Variants in CWH43 observed in about 807,000 individuals in gnomAD.
CWH43 encodes cell wall biogenesis 43 C-terminal homolog.
A neutral mutation model predicts 85.7 loss-of-function variants in CWH43; 91 were observed. The ratio of observed to expected loss-of-function variants is 1.06; its 90% CI spans 0.90 to 1.26. CWH43 has a LOEUF of 1.26. CWH43 is among the 50% of genes most tolerant of loss of function. The pLI is 0.00. For missense variants in CWH43, 869 were observed against 839.2 expected (o/e 1.04, Z -0.44); for synonymous variants, 323 against 293.6 (o/e 1.10, Z -1.02).
Position 49,032,714 on chromosome 4 carries a change from G to C in CWH43, c.1657G>C (p.Glu553Gln), listed in dbSNP as rs35575404. ...TGTCGTGACACACTTTGGGAACCAC[G>C]AGTGGGTTTCTTTGGCCCACCTAAT... ...DFVVTHFGNH[E>Q]DDLDRKLQAI... The change falls in exon 12 of 16, where the codon GAA (glutamate) becomes CAA (glutamine). Residue 553 changes from glutamate to glutamine, a missense_variant and splice_region_variant. Coordinates refer to ENST00000226432, the MANE Select transcript of CWH43 (RefSeq NM_025087.3). 6.2e-7 allele frequency: 1 copy of C among 1,613,962 alleles called. No homozygotes were observed. The highest frequency in any genetic ancestry group is 8.5e-7 in the Non-Finnish European group (1 of 1,179,858).
intron 15 of CWH43, among the ~76,000 whole-genome samples, chr4:49,058,400 A>G (rs1251413315): frequency 6.6e-6 from 1 of 152,164 alleles, no homozygotes; most frequent in African/African-American, 2.4e-5. Context: ...TGATGTCACA[A>G]TTCATGTATT....
At chr4:49,029,785 C>T (rs1212085080) in intron 10 of CWH43, among the ~76,000 whole-genome samples, 1 of 152,206 alleles carries the variant, frequency 6.6e-6, no homozygotes, top group African/African-American at 2.4e-5. Context: ...CTTACACATC[C>T]GGGCACAGTA....
chr4:49,037,922 A>G (rs1784308369), intron 12 of CWH43, 114 bp from the exon 13 acceptor site: 2 of 803,984 alleles, frequency 2.5e-6, no homozygotes, highest in Non-Finnish European at 3.9e-6. Context: ...CCGAGTAGGA[A>G]TGACTCTGGG....
chr4:49,016,830 A>T (rs1187085770), intron 8 of CWH43: 1 of 778,722 alleles, frequency 1.3e-6, no homozygotes, highest in Non-Finnish European at 2.4e-6. Context: ...TTTCTGCTCA[A>T]TCAGTTCATC....
chr4:48,993,786 C>T (rs576722257), intron 4 of CWH43, among the ~76,000 whole-genome samples: 1 of 152,258 alleles, frequency 6.6e-6, no homozygotes, highest in African/African-American at 2.4e-5. Flanking sequence ...TGGAGTTTCA[C>T]TCTTGTTGCC....
chr4:49,003,685 C>CAA, intron 6 of CWH43, 50 bp from the exon 7 acceptor site: 1 of 1,602,616 alleles, frequency 6.2e-7, no homozygotes, highest in South Asian at 1.1e-5. Flanking sequence ...ATTGGTCATC[C>CAA]TCTAAGCTCG....
At chr4:49,029,692 T>G (rs1162321257) in intron 10 of CWH43, among the ~76,000 whole-genome samples, 1 of 152,206 alleles carries the variant, frequency 6.6e-6, no homozygotes, top group Non-Finnish European at 1.5e-5. Flanking sequence ...TGGCTGGAGG[T>G]GAGATATGCT....
At chr4:49,059,072 T>C (rs1577720098) in intron 15 of CWH43, among the ~76,000 whole-genome samples, 1 of 152,142 alleles carries the variant, frequency 6.6e-6, no homozygotes, top group African/African-American at 2.4e-5. Flanking sequence ...TTTTCCTTCT[T>C]TCTCTGCTTC....
chr4:49,020,442 T>C (rs1438776980), intron 9 of CWH43, among the ~76,000 whole-genome samples: 1 of 151,486 alleles, frequency 6.6e-6, no homozygotes, highest in African/African-American at 2.4e-5. Flanking sequence ...TCATATTTTC[T>C]TTATCCACTT....
chr4:49,048,565 G>T (rs1265060923), intron 14 of CWH43, among the ~76,000 whole-genome samples: 1 of 152,000 alleles, frequency 6.6e-6, no homozygotes, highest in African/African-American at 2.4e-5. Flanking sequence ...GTTGGTGTCT[G>T]GTTAGGACTG....
chr4:48,999,562 G>A (rs996238799), intron 6 of CWH43, among the ~76,000 whole-genome samples: 1 of 152,198 alleles, frequency 6.6e-6, no homozygotes, highest in Non-Finnish European at 1.5e-5. Context: ...TTGGGTAGTG[G>A]TCAAGTCAGA....
At chr4:49,046,351 G>A (rs1321134693) in intron 14 of CWH43, among the ~76,000 whole-genome samples, 1 of 151,756 alleles carries the variant, frequency 6.6e-6, no homozygotes, top group African/African-American at 2.4e-5. Flanking sequence ...TATCCAATAA[G>A]TGTTTACTAA....
intron 15 of CWH43, among the ~76,000 whole-genome samples, chr4:49,060,782 A>G (rs554742166): frequency 6.6e-6 from 1 of 152,294 alleles, no homozygotes; most frequent in African/African-American, 2.4e-5. Context: ...ATGTTTCTAC[A>G]GGGACAAGCA....
chr4:49,004,415 T>A (rs1315671479), intron 7 of CWH43, among the ~76,000 whole-genome samples: 5 of 152,204 alleles, frequency 3.3e-5, no homozygotes, highest in Non-Finnish European at 5.9e-5. Context: ...TTTATGAATG[T>A]TTTTTGAGAT....
chr4:49,036,488 C>A (rs976437910), intron 12 of CWH43, among the ~76,000 whole-genome samples: 2 of 152,154 alleles, frequency 1.3e-5, no homozygotes, highest in Admixed American at 1.3e-4. Flanking sequence ...TATTTTTATC[C>A]AATTCAGTCC....
chr4:49,047,582 C>T (rs1577708616), intron 14 of CWH43, among the ~76,000 whole-genome samples: 1 of 152,046 alleles, frequency 6.6e-6, no homozygotes, highest in East Asian at 1.9e-4. Context: ...GCAGAAGATA[C>T]CTCCTGGTAG....
At position 49,061,812 on chromosome 4, in the gene CWH43, A is replaced by G; in HGVS notation, c.2022A>G (p.Arg674=). 2 of 1,385,976 alleles carry G rather than the reference A, an allele frequency of 1.4e-6. No individual in the cohort carries two copies. Among genetic ancestry groups the G allele is most frequent in the Non-Finnish European group, 1.9e-6 (2 of 1,043,448 alleles). 85.9% of individuals were successfully genotyped at this position (1,385,976 alleles called of 1,614,324 possible). Residue 674 remains arginine (R), a splice_region_variant and synonymous_variant, in exon 16 of 16, where the codon AGA becomes AGG. Coordinates refer to ENST00000226432, the MANE Select transcript of CWH43 (RefSeq NM_025087.3). ...TTTTATTTATTTTTTATTTTTTTAG[A>G]TTTGGATCCTACAAAGAAGGACACA... ...EVSEKIHFNP[R]FGSYKEGHNY...
intron 5 of CWH43, among the ~76,000 whole-genome samples, chr4:48,996,377 T>A (rs1249664215): frequency 6.6e-6 from 1 of 152,114 alleles, no homozygotes; most frequent in Non-Finnish European, 1.5e-5. Flanking sequence ...TATTACAGAT[T>A]TTAAAAAATG....
chr4:49,010,681 G>T (rs1389828840), intron 8 of CWH43, among the ~76,000 whole-genome samples: 1 of 152,018 alleles, frequency 6.6e-6, no homozygotes, highest in Non-Finnish European at 1.5e-5. Flanking sequence ...TTGTGTCTTT[G>T]TTCTCATTGG....
Sources: allele counts gnomAD v4.1 joint callset (sites outside exome capture counted in the v4.1 genomes callset), GRCh38; gene constraint gnomAD v4.1.1; transcripts MANE v1.5; gene names NCBI Gene and HGNC (gene_info 2026-07-23, HGNC 2026-07-21).